ST6GALNAC3: variants seen among roughly 807,000 people sequenced by gnomAD.
ST6GALNAC3 encodes alpha-N-acetylgalactosaminide alpha-2,6-sialyltransferase 3.
Under a neutral mutation model 32.7 loss-of-function variants are expected in ST6GALNAC3, and 25 were observed. The observed-to-expected ratio is 0.76, with a 90% CI of 0.56 to 1.07. The LOEUF (loss-of-function observed/expected upper bound fraction) is 1.07, where lower values mean the gene tolerates loss of function less well. Among genes scored for constraint, ST6GALNAC3 ranks in the 50% least tolerant of loss-of-function variants. ST6GALNAC3 has a pLI of 0.00. For missense variants in ST6GALNAC3, 355 were observed against 382.4 expected (o/e 0.93, Z 0.60); for synonymous variants, 129 against 133.1 (o/e 0.97, Z 0.21).
intron 3 of ST6GALNAC3, among the ~76,000 whole-genome samples, chr1:76,598,636 A>C (rs1052296276): frequency 1.3e-5 from 2 of 152,072 alleles, no homozygotes; most frequent in Non-Finnish European, 2.9e-5. Context: ...CCAAGCCTCC[A>C]CTAATCCTTC....
At chr1:76,424,621 T>C (rs958290254) in intron 3 of ST6GALNAC3, among the ~76,000 whole-genome samples, 1 of 151,974 alleles carries the variant, frequency 6.6e-6, no homozygotes, top group Non-Finnish European at 1.5e-5. Flanking sequence ...CAGATGCTGA[T>C]TATATGTTAA....
chr1:76,452,067 T>C (rs12085320), intron 3 of ST6GALNAC3, among the ~76,000 whole-genome samples: 25,302 of 151,982 alleles, frequency 0.17, 2,278 homozygotes, highest in African/African-American at 0.22. Flanking sequence ...TCATAGATGG[T>C]GATATGGTTT....
At chr1:76,254,595 C>G (rs562399227) in intron 1 of ST6GALNAC3, among the ~76,000 whole-genome samples, 1 of 152,194 alleles carries the variant, frequency 6.6e-6, no homozygotes, top group Admixed American at 6.5e-5. Flanking sequence ...CTACCAGGTT[C>G]AACCTCCTGC....
intron 3 of ST6GALNAC3, among the ~76,000 whole-genome samples, chr1:76,476,311 T>TA (rs1659351165): frequency 1.3e-5 from 2 of 152,176 alleles, no homozygotes; most frequent in African/African-American, 4.8e-5. Flanking sequence ...TGTTATTTCT[T>TA]ACAACCCTTT....
intron 2 of ST6GALNAC3, among the ~76,000 whole-genome samples, chr1:76,315,259 C>T (rs1283603510): frequency 6.6e-6 from 1 of 152,016 alleles, no homozygotes; most frequent in Non-Finnish European, 1.5e-5. Flanking sequence ...TCACCCTCAT[C>T]TTTTGTTACT....
chr1:76,311,587 A>G (rs1646764363), intron 1 of ST6GALNAC3, among the ~76,000 whole-genome samples: 1 of 152,082 alleles, frequency 6.6e-6, no homozygotes, highest in African/African-American at 2.4e-5. Context: ...AGCTTCATCC[A>G]TGTCCCTGCA....
At chr1:76,270,223 C>A (rs892166685) in intron 1 of ST6GALNAC3, among the ~76,000 whole-genome samples, 1 of 152,128 alleles carries the variant, frequency 6.6e-6, no homozygotes, top group Admixed American at 6.5e-5. Context: ...AAGTTGGCAA[C>A]TGGCCAGGCA....
intron 3 of ST6GALNAC3, among the ~76,000 whole-genome samples, chr1:76,557,552 T>C (rs1211877235): frequency 2.6e-5 from 4 of 152,120 alleles, no homozygotes; most frequent in Non-Finnish European, 5.9e-5. Flanking sequence ...TGAATTTATA[T>C]GTCTTATTGT....
chr1:76,564,207 C>T (rs527777415), intron 3 of ST6GALNAC3, among the ~76,000 whole-genome samples: 22 of 152,280 alleles, frequency 1.4e-4, no homozygotes, highest in East Asian at 9.6e-4. Context: ...CTTGTGTCAG[C>T]GCCTCTCCCT....
At chr1:76,205,339 C>T (rs539931304) in intron 1 of ST6GALNAC3, among the ~76,000 whole-genome samples, 4 of 152,114 alleles carry the variant, frequency 2.6e-5, no homozygotes, top group Non-Finnish European at 4.4e-5. Context: ...TCCACAGCCT[C>T]CCCCTTTACC....
chr1:76,139,321 G>GTA (rs994648866), intron 1 of ST6GALNAC3, among the ~76,000 whole-genome samples: 1 of 151,908 alleles, frequency 6.6e-6, no homozygotes, highest in African/African-American at 2.4e-5. Flanking sequence ...ACATACATAT[G>GTA]TATATATATA....
chr1:76,248,873 C>T (rs1570574723), intron 1 of ST6GALNAC3, among the ~76,000 whole-genome samples: 1 of 151,992 alleles, frequency 6.6e-6, no homozygotes. Flanking sequence ...AGAAACTATC[C>T]CATTTGTGGC....
intron 1 of ST6GALNAC3, among the ~76,000 whole-genome samples, chr1:76,123,994 A>G (rs2706197): frequency 0.29 from 43,339 of 151,712 alleles, 6,730 homozygotes; most frequent in African/African-American, 0.4. Flanking sequence ...CAAGTGATCC[A>G]CCCACCTCAG....
chr1:76,466,175 G>A (rs1466585994), intron 3 of ST6GALNAC3, among the ~76,000 whole-genome samples: 2 of 152,036 alleles, frequency 1.3e-5, no homozygotes, highest in African/African-American at 2.4e-5. Context: ...CTGACCTTCA[G>A]TTTCAAATAG....
chr1:76,552,471 CTT>C (rs1557562427), intron 3 of ST6GALNAC3, among the ~76,000 whole-genome samples: 1 of 152,142 alleles, frequency 6.6e-6, no homozygotes. Flanking sequence ...TTTGGCTCCT[CTT>C]TGTGGAGGAG....
intron 1 of ST6GALNAC3, among the ~76,000 whole-genome samples, chr1:76,303,347 T>G (rs957083905): frequency 4.6e-5 from 7 of 151,702 alleles, no homozygotes; most frequent in Non-Finnish European, 7.4e-5. Flanking sequence ...GCAAAGGGAG[T>G]GGTCTCTGGT....
At chr1:76,560,550 G>A (rs1665188288) in intron 3 of ST6GALNAC3, among the ~76,000 whole-genome samples, 1 of 152,098 alleles carries the variant, frequency 6.6e-6, no homozygotes, top group South Asian at 2.1e-4. Flanking sequence ...CTCAAAGGAA[G>A]ACATACAAAT....
chr1:76,521,041 A>C (rs1662499104), intron 3 of ST6GALNAC3, among the ~76,000 whole-genome samples: 2 of 151,842 alleles, frequency 1.3e-5, no homozygotes, highest in Admixed American at 1.3e-4. Context: ...TCAATAGTTT[A>C]TTATCTTATT....
At chr1:76,518,833 G>A (rs948399442) in intron 3 of ST6GALNAC3, among the ~76,000 whole-genome samples, 2 of 152,154 alleles carry the variant, frequency 1.3e-5, no homozygotes, top group African/African-American at 2.4e-5. Flanking sequence ...GGGAGGCCAA[G>A]GCGGGCGGAT....
Sources: gnomAD v4.1 joint callset for allele counts (sites outside exome capture counted in the v4.1 genomes callset) on GRCh38, gnomAD v4.1.1 for gene constraint, MANE v1.5 for transcripts, NCBI Gene and HGNC (gene_info 2026-07-23, HGNC 2026-07-21) for gene names.